The following LIMS1 variants were observed in gnomAD, a reference collection of about 807,000 sequenced individuals.
The protein encoded by LIMS1 is LIM and senescent cell antigen-like-containing domain protein 1.
Under a neutral mutation model 44.1 loss-of-function variants are expected in LIMS1, and 18 were observed. The observed-to-expected ratio is 0.41, with a 90% CI of 0.28 to 0.61. The LOEUF (loss-of-function observed/expected upper bound fraction) is 0.61, where lower values mean the gene tolerates loss of function less well. Ranked by LOEUF, LIMS1 falls within the 20% of genes least tolerant of loss-of-function variation. The pLI, the probability that LIMS1 is intolerant of heterozygous loss-of-function variation, is 0.32. For missense variants in LIMS1, 201 were observed against 422.0 expected (o/e 0.48, Z 4.59); for synonymous variants, 93 against 149.1 (o/e 0.62, Z 2.74).
rs527841737 is a variant in LIMS1 at position 108,630,637 on chromosome 2, C to A, written c.33-28968C>A. Among the ~76,000 whole-genome samples, 3 of 146,960 alleles carry A rather than the reference C, an allele frequency of 2.0e-5. No individual in the cohort carries two copies. In the East Asian group the frequency reaches 5.8e-4, roughly 28 times the overall value. ...ATTATACTTTTTCATTTATTTAGGG[C>A]TTATCTGATGAGTGGTTGTGTCCCA... is the stretch of plus-strand genomic sequence containing the variant. On this transcript the variant is annotated intron_variant, in intron 1 of 9. Transcript: ENST00000544547.
intron 1 of LIMS1, among the ~76,000 whole-genome samples, chr2:108,594,786 C>G (rs1268077349): frequency 6.6e-6 from 1 of 151,996 alleles, no homozygotes; most frequent in Non-Finnish European, 1.5e-5. Flanking sequence ...TTTAAAGTTA[C>G]CAGGAGAATT....
intron 1 of LIMS1, among the ~76,000 whole-genome samples, chr2:108,541,259 T>G (rs1189473786): frequency 6.6e-6 from 1 of 152,262 alleles, no homozygotes; most frequent in Non-Finnish European, 1.5e-5. Flanking sequence ...TTCTCATTGG[T>G]AAATGTAGCT....
At chr2:108,573,306 C>CTTTTT (rs1313789655) in intron 1 of LIMS1, among the ~76,000 whole-genome samples, 20 of 141,006 alleles carry the variant, frequency 1.4e-4, no homozygotes, top group Non-Finnish European at 1.9e-4. Flanking sequence ...CTTTTCTTTT[C>CTTTTT]TTTTTTTTTT....
At chr2:108,611,312 A>T (rs1027634854) in intron 1 of LIMS1, among the ~76,000 whole-genome samples, 1 of 152,220 alleles carries the variant, frequency 6.6e-6, no homozygotes, top group Non-Finnish European at 1.5e-5. Flanking sequence ...TTCTGGGCGC[A>T]TAAGAAGCAC....
At chr2:108,635,429 TAAAAAAAAA>T (rs70956264) in intron 1 of LIMS1, among the ~76,000 whole-genome samples, 2 of 86,724 alleles carry the variant, frequency 2.3e-5, no homozygotes, top group Non-Finnish European at 4.2e-5. Flanking sequence ...ACTTCATCTC[TAAAAAAAAA>T]AAAAAAAAAA....
At chr2:108,558,269 G>T (rs1684991850) in intron 1 of LIMS1, among the ~76,000 whole-genome samples, 2 of 150,760 alleles carry the variant, frequency 1.3e-5, no homozygotes. Flanking sequence ...CCAGGCTGGA[G>T]TGCAGTGGCA....
chr2:108,551,063 G>C (rs2104588002), intron 1 of LIMS1, among the ~76,000 whole-genome samples: 1 of 148,880 alleles, frequency 6.7e-6, no homozygotes, highest in South Asian at 2.1e-4. Context: ...CAGGAAGTTG[G>C]GTGCAGTGAG....
intron 1 of LIMS1, among the ~76,000 whole-genome samples, chr2:108,624,576 G>C (rs947333059): frequency 6.6e-6 from 1 of 151,858 alleles, no homozygotes; most frequent in Non-Finnish European, 1.5e-5. Flanking sequence ...GGCCAACGTG[G>C]TGAAACCCCA....
intron 1 of LIMS1, among the ~76,000 whole-genome samples, chr2:108,643,069 A>G (rs796145343): frequency 9.2e-5 from 14 of 152,348 alleles, no homozygotes; most frequent in African/African-American, 3.4e-4. Flanking sequence ...TTCATAAAGT[A>G]GAAATCACTC....
chr2:108,602,395 T>C (rs1481189145), intron 1 of LIMS1, among the ~76,000 whole-genome samples: 1 of 152,206 alleles, frequency 6.6e-6, no homozygotes, highest in Admixed American at 6.5e-5. Context: ...AGGCTTTCAG[T>C]TTTTCCCCGC....
chr2:108,638,481 C>A (rs1288785871), intron 1 of LIMS1, among the ~76,000 whole-genome samples: 1 of 152,158 alleles, frequency 6.6e-6, no homozygotes, highest in Non-Finnish European at 1.5e-5. Context: ...TGGTGGTTCA[C>A]GCCTGTAACC....
intron 2 of LIMS1, among the ~76,000 whole-genome samples, chr2:108,668,429 A>G (rs1229108983): frequency 6.6e-6 from 1 of 152,158 alleles, no homozygotes; most frequent in African/African-American, 2.4e-5. Flanking sequence ...TATGAAATCA[A>G]CCTCTTTAGA....
chr2:108,588,402 A>G (rs1686207773), intron 1 of LIMS1: 1 of 985,292 alleles, frequency 1.0e-6, no homozygotes, highest in African/African-American at 1.7e-5. Flanking sequence ...AGTGATGTGA[A>G]ACTGGCCTCC....
chr2:108,680,245 T>C (rs1459311995), intron 8 of LIMS1, among the ~76,000 whole-genome samples: 1 of 151,418 alleles, frequency 6.6e-6, no homozygotes, highest in African/African-American at 2.4e-5. Flanking sequence ...CACGCACCTG[T>C]AGTCCCAGCT....
intron 3 of LIMS1, among the ~76,000 whole-genome samples, chr2:108,671,887 GTTC>G (rs1176761481): frequency 6.6e-6 from 1 of 152,174 alleles, no homozygotes; most frequent in East Asian, 1.9e-4. Context: ...CACATAAAAA[GTTC>G]TTCTACTGGC....
At chr2:108,622,510 A>G (rs1344395636) in intron 1 of LIMS1, among the ~76,000 whole-genome samples, 1 of 152,218 alleles carries the variant, frequency 6.6e-6, no homozygotes, top group Non-Finnish European at 1.5e-5. Context: ...AGAGGGTAGC[A>G]TTAAAGGACT....
chr2:108,590,244 A>G (rs895376690), intron 1 of LIMS1, among the ~76,000 whole-genome samples: 3 of 152,248 alleles, frequency 2.0e-5, no homozygotes, highest in Non-Finnish European at 4.4e-5. Context: ...TGTTGTGTGT[A>G]TGTACACGTG....
At chr2:108,545,971 G>T (rs867741436) in intron 1 of LIMS1, among the ~76,000 whole-genome samples, 2 of 152,160 alleles carry the variant, frequency 1.3e-5, no homozygotes, top group Non-Finnish European at 2.9e-5. Context: ...AAAAAGAGAA[G>T]CCCTCCTTAA....
chr2:108,588,207 A>G (rs897064865), intron 1 of LIMS1: 2 of 315,388 alleles, frequency 6.3e-6, no homozygotes, highest in Non-Finnish European at 9.2e-6. Flanking sequence ...GTGTTGTCCT[A>G]TTGCTTCAGA....
Sources: allele counts gnomAD v4.1 joint callset (sites outside exome capture counted in the v4.1 genomes callset), GRCh38; gene constraint gnomAD v4.1.1; transcripts MANE v1.5; gene names NCBI Gene and HGNC (gene_info 2026-07-23, HGNC 2026-07-21).